NCAM1: variants seen among roughly 807,000 people sequenced by gnomAD.
NCAM1 encodes neural cell adhesion molecule 1.
Under a neutral mutation model 109.8 loss-of-function variants are expected in NCAM1, and 14 were observed. That is an observed-to-expected ratio of 0.13 (90% CI 0.08 to 0.20). The LOEUF is 0.20. NCAM1 is among the 10% of genes least tolerant of loss of function. The pLI is 1.00. For synonymous variants in NCAM1, 418 were observed against 442.9 expected, an observed-to-expected ratio of 0.94 and a Z score of 0.70; for missense variants, 774 against 1,109.9, an observed-to-expected ratio of 0.70 and a Z score of 4.30.
chr11:113,253,842 T>C (rs1254456320), intron 15 of NCAM1, among the ~76,000 whole-genome samples: 1 of 152,176 alleles, frequency 6.6e-6, no homozygotes, highest in Non-Finnish European at 1.5e-5. Context: ...ATTTGTTCAT[T>C]TGCAGTAGGT....
intron 1 of NCAM1, among the ~76,000 whole-genome samples, chr11:113,122,141 C>T (rs553027823): frequency 2.0e-5 from 3 of 152,200 alleles, no homozygotes; most frequent in Non-Finnish European, 4.4e-5. Context: ...CCTTCAGATC[C>T]CATCCCCTCC....
intron 1 of NCAM1, among the ~76,000 whole-genome samples, chr11:113,185,083 G>C (rs71466733): frequency 8.8e-6 from 1 of 113,840 alleles, no homozygotes; most frequent in Non-Finnish European, 1.7e-5. Context: ...TATATATAGA[G>C]AGAGAGAGAG....
intron 1 of NCAM1, among the ~76,000 whole-genome samples, chr11:113,191,773 GT>G (rs1943684371): frequency 6.5e-5 from 9 of 139,224 alleles, no homozygotes; most frequent in Non-Finnish European, 1.2e-4. Context: ...GTGTGTGTGT[GT>G]ATATATATAT....
intron 1 of NCAM1, among the ~76,000 whole-genome samples, chr11:113,143,096 T>C (rs763927388): frequency 2.6e-5 from 4 of 152,194 alleles, no homozygotes; most frequent in Non-Finnish European, 5.9e-5. Context: ...ATAACTGCAA[T>C]GCCATTTTCA....
chr11:113,102,515 GA>G (rs782400081), intron 1 of NCAM1, among the ~76,000 whole-genome samples: 1 of 152,170 alleles, frequency 6.6e-6, no homozygotes, highest in Non-Finnish European at 1.5e-5. Context: ...CTATGGAGGT[GA>G]CATTTATCCC....
chr11:113,157,505 T>A (rs1940705), intron 1 of NCAM1, among the ~76,000 whole-genome samples: 1 of 151,758 alleles, frequency 6.6e-6, no homozygotes, highest in African/African-American at 2.4e-5. Flanking sequence ...TTAGGTTATT[T>A]GGAAGTTGTA....
chr11:113,020,026 T>C (rs907387104), intron 1 of NCAM1, among the ~76,000 whole-genome samples: 20 of 152,322 alleles, frequency 1.3e-4, no homozygotes, highest in African/African-American at 4.8e-4. Context: ...GAGGTCATTT[T>C]TGCAAGGATG....
At chr11:113,018,294 C>A (rs1275546529) in intron 1 of NCAM1, among the ~76,000 whole-genome samples, 1 of 151,616 alleles carries the variant, frequency 6.6e-6, no homozygotes, top group Non-Finnish European at 1.5e-5. Flanking sequence ...TGCCATTTCT[C>A]TTACTTTTAC....
chr11:113,186,080 A>T (rs1292994857), intron 1 of NCAM1, among the ~76,000 whole-genome samples: 1 of 152,196 alleles, frequency 6.6e-6, no homozygotes, highest in Non-Finnish European at 1.5e-5. Context: ...ATGGCCAGGC[A>T]CTATGCTGGG....
At chr11:112,998,439 A>T (rs1284681662) in intron 1 of NCAM1, among the ~76,000 whole-genome samples, 1 of 152,170 alleles carries the variant, frequency 6.6e-6, no homozygotes, top group Non-Finnish European at 1.5e-5. Flanking sequence ...TTGATAGAAT[A>T]AATATTTAAA....
At chr11:113,095,133 A>G (rs1235796752) in intron 1 of NCAM1, among the ~76,000 whole-genome samples, 1 of 152,218 alleles carries the variant, frequency 6.6e-6, no homozygotes, top group Non-Finnish European at 1.5e-5. Context: ...ATCAAAACTC[A>G]ATAATTTTGT....
chr11:113,235,841 A>G (rs1158295807), intron 14 of NCAM1, among the ~76,000 whole-genome samples: 2 of 151,970 alleles, frequency 1.3e-5, no homozygotes, highest in Non-Finnish European at 2.9e-5. Context: ...CGCCTATCCC[A>G]CTTTGCCCTC....
chr11:113,264,147 C>T, intron 17 of NCAM1: 1 of 984,820 alleles, frequency 1.0e-6, no homozygotes, highest in Non-Finnish European at 1.2e-6. Flanking sequence ...CTCCCTCCCT[C>T]CCCCCATTGT....
intron 7 of NCAM1, 109 bp downstream of exon 7, chr11:113,208,111 G>T (rs1555113196): frequency 9.3e-6 from 12 of 1,285,594 alleles, no homozygotes; most frequent in Non-Finnish European, 1.1e-5. Flanking sequence ...ATAACCCAAT[G>T]CAACCATTTC....
intron 1 of NCAM1, among the ~76,000 whole-genome samples, chr11:113,154,230 A>AG (rs1312612876): frequency 6.6e-6 from 1 of 152,210 alleles, no homozygotes; most frequent in Non-Finnish European, 1.5e-5. Flanking sequence ...ATGAGAGATG[A>AG]GAAATTGGCA....
chr11:113,087,903 GGCATTCT>G (rs1555088566), intron 1 of NCAM1, among the ~76,000 whole-genome samples: 1 of 152,190 alleles, frequency 6.6e-6, no homozygotes, highest in Non-Finnish European at 1.5e-5. Context: ...AAGATCGCAA[GGCATTCT>G]GCATGACTGT....
intron 14 of NCAM1, among the ~76,000 whole-genome samples, chr11:113,242,041 C>T (rs1196127741): frequency 5.9e-5 from 9 of 152,192 alleles, no homozygotes; most frequent in East Asian, 1.9e-4. Flanking sequence ...ATCACAGCTC[C>T]GCTTCTTCCG....
intron 1 of NCAM1, among the ~76,000 whole-genome samples, chr11:113,188,436 A>G (rs534805406): frequency 6.6e-6 from 1 of 152,340 alleles, no homozygotes; most frequent in Admixed American, 6.5e-5. Context: ...AGAGCCATTC[A>G]GCATGGAGTT....
intron 1 of NCAM1, among the ~76,000 whole-genome samples, chr11:113,080,638 C>A (rs1938765713): frequency 6.6e-6 from 1 of 152,086 alleles, no homozygotes; most frequent in African/African-American, 2.4e-5. Context: ...GATATAATTT[C>A]TAAAGCTCTG....
Sources: allele counts gnomAD v4.1 joint callset (sites outside exome capture counted in the v4.1 genomes callset), GRCh38; gene constraint gnomAD v4.1.1; transcripts MANE v1.5; gene names NCBI Gene and HGNC (gene_info 2026-07-23, HGNC 2026-07-21).